The following RGS17 variants were observed in gnomAD, a reference collection of about 807,000 sequenced individuals.
RGS17 encodes the protein regulator of G protein signaling 17.
Under a neutral mutation model 25.5 loss-of-function variants are expected in RGS17, and 12 were observed. The observed-to-expected ratio is 0.47, with a 90% CI of 0.30 to 0.76. The LOEUF (loss-of-function observed/expected upper bound fraction) is 0.76. Among genes scored for constraint, RGS17 ranks in the 30% least tolerant of loss-of-function variants. The probability of loss-of-function intolerance (pLI) is 0.07; values close to 1 mark genes in which losing one functional copy is unlikely to be tolerated. For missense variants in RGS17, 196 were observed against 242.2 expected (o/e 0.81, Z 1.27); for synonymous variants, 71 against 76.9 (o/e 0.92, Z 0.40).
chr6:153,109,471 T>C (rs1458063517), intron 1 of RGS17, among the ~76,000 whole-genome samples: 4 of 152,366 alleles, frequency 2.6e-5, no homozygotes, highest in Middle Eastern at 6.8e-3. Flanking sequence ...GGAAAGTCTT[T>C]GCTTACTTGT....
intron 4 of RGS17, among the ~76,000 whole-genome samples, chr6:153,012,198 C>T (rs1035442674): frequency 1.3e-5 from 2 of 152,118 alleles, no homozygotes; most frequent in African/African-American, 4.8e-5. Flanking sequence ...AATTAACATG[C>T]ATATAAAATG....
intron 1 of RGS17, among the ~76,000 whole-genome samples, chr6:153,103,835 A>G (rs1777341806): frequency 1.3e-5 from 2 of 152,340 alleles, no homozygotes; most frequent in Admixed American, 1.3e-4. Flanking sequence ...CTTTTTCCCA[A>G]TAGAGGAAGA....
chr6:153,026,204 C>A (rs1388308858), intron 3 of RGS17, among the ~76,000 whole-genome samples: 1 of 152,206 alleles, frequency 6.6e-6, no homozygotes, highest in Non-Finnish European at 1.5e-5. Context: ...ATTCATAAGA[C>A]AATCTTTATT....
chr6:153,112,591 C>T (rs6557268), intron 1 of RGS17, among the ~76,000 whole-genome samples: 70,979 of 151,838 alleles, frequency 0.47, 17,221 homozygotes, highest in East Asian at 0.85. Flanking sequence ...AGATACTCCT[C>T]GAGAAGAGCA....
At chr6:153,118,975 T>G (rs13211085) in intron 1 of RGS17, among the ~76,000 whole-genome samples, 2 of 152,196 alleles carry the variant, frequency 1.3e-5, no homozygotes, top group Non-Finnish European at 2.9e-5. Flanking sequence ...TCCTATCTTA[T>G]GTATGAATGT....
chr6:153,104,668 T>A (rs113728032), intron 1 of RGS17, among the ~76,000 whole-genome samples: 1 of 151,936 alleles, frequency 6.6e-6, no homozygotes, highest in Non-Finnish European at 1.5e-5. Context: ...ATACCTAAAA[T>A]CACATGGAAC....
chr6:153,011,916 T>C (rs1779137726), intron 4 of RGS17, among the ~76,000 whole-genome samples, 154 bp from the exon 5 acceptor site: 1 of 150,272 alleles, frequency 6.7e-6, no homozygotes, highest in Admixed American at 6.7e-5. Flanking sequence ...CACAACCTTA[T>C]GTACTTTTCT....
chr6:153,059,219 A>G, intron 1 of RGS17, among the ~76,000 whole-genome samples: 1 of 152,178 alleles, frequency 6.6e-6, no homozygotes, highest in East Asian at 1.9e-4. Flanking sequence ...TCCCCTATTA[A>G]AGTACTGAAT....
intron 1 of RGS17, among the ~76,000 whole-genome samples, chr6:153,099,104 G>C (rs559389147): frequency 6.6e-6 from 1 of 152,264 alleles, no homozygotes. Context: ...TTGAGATACA[G>C]TGGATTGAAA....
chr6:153,128,500 G>T (rs1584171165), intron 1 of RGS17, among the ~76,000 whole-genome samples: 2 of 152,080 alleles, frequency 1.3e-5, no homozygotes, highest in African/African-American at 4.8e-5. Context: ...TGACACAAAG[G>T]CCATTATCTC....
intron 1 of RGS17, among the ~76,000 whole-genome samples, chr6:153,118,951 A>G (rs759012423): frequency 2.6e-5 from 4 of 152,174 alleles, no homozygotes; most frequent in Non-Finnish European, 4.4e-5. Flanking sequence ...CATTCTCTTT[A>G]TAACACATTT....
chr6:153,022,742 A>G (rs1048644403), intron 4 of RGS17, among the ~76,000 whole-genome samples: 2 of 152,212 alleles, frequency 1.3e-5, no homozygotes, highest in Admixed American at 6.5e-5. Context: ...AAATTATTAT[A>G]CTGATAAAAT....
intron 2 of RGS17, among the ~76,000 whole-genome samples, chr6:153,029,892 A>C (rs1045883419): frequency 6.6e-6 from 1 of 152,110 alleles, no homozygotes; most frequent in Non-Finnish European, 1.5e-5. Flanking sequence ...TTTAGCCCAT[A>C]TCTCTCCAAG....
intron 1 of RGS17, among the ~76,000 whole-genome samples, chr6:153,091,064 T>C (rs1278741261): frequency 6.6e-6 from 1 of 152,192 alleles, no homozygotes; most frequent in East Asian, 1.9e-4. Flanking sequence ...TACCAAGTAA[T>C]GTAAACATTT....
intron 2 of RGS17, among the ~76,000 whole-genome samples, chr6:153,039,571 A>AC (rs1332215025): frequency 6.6e-6 from 1 of 152,184 alleles, no homozygotes; most frequent in Non-Finnish European, 1.5e-5. Flanking sequence ...TTGATGGGAC[A>AC]CCCACAGAAG....
intron 4 of RGS17, among the ~76,000 whole-genome samples, chr6:153,018,176 G>C (rs1779204799): frequency 6.6e-6 from 1 of 152,026 alleles, no homozygotes; most frequent in South Asian, 2.1e-4. Flanking sequence ...GGAGGGTTCA[G>C]GCCTGTGGTT....
chr6:153,012,272 GTGGCAGGGCA>G (rs1779142027), intron 4 of RGS17, among the ~76,000 whole-genome samples: 1 of 152,188 alleles, frequency 6.6e-6, no homozygotes, highest in Admixed American at 6.5e-5. Flanking sequence ...AACCAAGAGT[GTGGCAGGGCA>G]TGCAATGAGC....
intron 2 of RGS17, among the ~76,000 whole-genome samples, chr6:153,040,058 TTTA>T (rs1267615635): frequency 2.6e-5 from 1 of 38,160 alleles, no homozygotes; most frequent in Non-Finnish European, 4.7e-5. Flanking sequence ...GTCTTGCATG[TTTA>T]TAGAGTGTCC....
At chr6:153,086,337 A>G (rs1353690649) in intron 1 of RGS17, among the ~76,000 whole-genome samples, 2 of 152,174 alleles carry the variant, frequency 1.3e-5, no homozygotes, top group African/African-American at 2.4e-5. Context: ...AAAAATTACT[A>G]TTGTATCACC....
Sources: allele counts gnomAD v4.1 joint callset (sites outside exome capture counted in the v4.1 genomes callset), GRCh38; gene constraint gnomAD v4.1.1; transcripts MANE v1.5; gene names NCBI Gene and HGNC (gene_info 2026-07-23, HGNC 2026-07-21).